Variants in RNF111 observed in about 807,000 individuals in gnomAD.
RNF111 encodes the protein ring finger protein 111.
RNF111 carries 17 observed loss-of-function variants against 95.1 expected under a neutral mutation model. The observed-to-expected ratio is 0.18, with a 90% CI of 0.12 to 0.27. The LOEUF is 0.27. Among genes scored for constraint, RNF111 ranks in the 10% least tolerant of loss-of-function variants. The pLI, the probability that RNF111 is intolerant of heterozygous loss-of-function variation, is 1.00. For synonymous variants in RNF111, 440 were observed against 414.8 expected (o/e 1.06, Z -0.74); for missense variants, 1,189 against 1,210.4 (o/e 0.98, Z 0.26).
intron 2 of RNF111, chr15:59,049,838 C>T (rs2041898782): frequency 6.8e-6 from 1 of 146,828 alleles, no homozygotes; most frequent in Non-Finnish European, 1.5e-5. Context: ...ACCTTTGCCT[C>T]CCAGGTTCAA....
intron 6 of RNF111, among the ~76,000 whole-genome samples, chr15:59,072,700 C>G (rs1255389615): frequency 1.3e-5 from 2 of 151,948 alleles, no homozygotes. Flanking sequence ...GATCTGCCTG[C>G]CTCAGCCTCC....
chr15:59,090,658 A>G (rs1384525585), intron 11 of RNF111, among the ~76,000 whole-genome samples: 1 of 152,242 alleles, frequency 6.6e-6, no homozygotes, highest in Non-Finnish European at 1.5e-5. Context: ...ACTGACTTAC[A>G]TAGTACCATG....
At position 59,076,120 on chromosome 15, in the gene RNF111, T is replaced by A; in HGVS notation, c.1853T>A (p.Ile618Lys). ...AAAPSQPLSS[I>K]DGYGSSMVAQ... Reference sequence around the variant, plus strand: ...GCCCCAAGTCAACCTTTATCATCAATAGATGGCTATGGATCAAGCATGGTT... The same window carrying A: ...GCCCCAAGTCAACCTTTATCATCAAAAGATGGCTATGGATCAAGCATGGTT... The change falls in exon 7 of 14, where the codon ATA becomes AAA. Residue 618 changes from isoleucine (I) to lysine (K), a missense_variant. Coordinates refer to ENST00000348370, the MANE Select transcript of RNF111 (RefSeq NM_017610.8). 2.5e-6 allele frequency: 4 copies of A among 1,614,162 alleles called. No homozygotes were observed. The highest frequency in any genetic ancestry group is 3.4e-6 in the Non-Finnish European group (4 of 1,180,052).
Position 58,994,024 on chromosome 15 carries a change from GTTAC to G in RNF111, c.-20+5960_-20+5963del, listed in dbSNP as rs1197843841. Among the ~76,000 whole-genome samples, 3 of 127,790 alleles carry G rather than the reference GTTAC, an allele frequency of 2.3e-5. No homozygotes were observed. In the East Asian group the frequency reaches 6.9e-4, roughly 29 times the overall value. 83.8% of individuals were successfully genotyped at this position (127,790 alleles called of 152,430 possible). A position where few individuals can be genotyped will look rare whatever the true frequency, so the allele number is the denominator to read the frequency against. On this transcript the variant is annotated intron_variant, in intron 1 of 13. Transcript: ENST00000348370. Reference sequence around the variant, plus strand: ...CTATCTTTTGACATCCCAATTTGTTGTTACTTAAATTTTTTTTTTTTTTTTTTTT... The same window carrying G: ...CTATCTTTTGACATCCCAATTTGTTGTTAAATTTTTTTTTTTTTTTTTTTT...
intron 1 of RNF111, among the ~76,000 whole-genome samples, chr15:59,003,180 A>G (rs781641499): frequency 2.0e-4 from 30 of 152,252 alleles, no homozygotes; most frequent in African/African-American, 4.3e-4. Context: ...CAGTGGCTCA[A>G]TGTCAGCTCA....
At chr15:59,075,038 G>T (rs1411113900) in intron 6 of RNF111, among the ~76,000 whole-genome samples, 1 of 152,150 alleles carries the variant, frequency 6.6e-6, no homozygotes, top group Non-Finnish European at 1.5e-5. Flanking sequence ...TCTTATATGG[G>T]CACAGTTCTT....
intron 7 of RNF111, among the ~76,000 whole-genome samples, chr15:59,080,310 G>A (rs1404289013): frequency 4.6e-5 from 7 of 151,842 alleles, no homozygotes; most frequent in African/African-American, 9.7e-5. Flanking sequence ...TAGTGGAGAC[G>A]GGGCTTCGCC....
At chr15:59,068,865 A>G (rs756099196) in intron 6 of RNF111, among the ~76,000 whole-genome samples, 4 of 152,100 alleles carry the variant, frequency 2.6e-5, no homozygotes, top group Admixed American at 6.6e-5. Flanking sequence ...TCACGAGATC[A>G]GGAGTTCGAG....
chr15:59,014,521 A>G (rs113289083), intron 1 of RNF111, among the ~76,000 whole-genome samples: 7 of 152,334 alleles, frequency 4.6e-5, no homozygotes, highest in African/African-American at 1.4e-4. Flanking sequence ...CTGTGGAATT[A>G]TAGAAAGCAG....
intron 1 of RNF111, among the ~76,000 whole-genome samples, chr15:59,006,726 T>C (rs796327954): frequency 2.0e-4 from 31 of 152,348 alleles, no homozygotes; most frequent in African/African-American, 5.8e-4. Flanking sequence ...CGCCAGTGCA[T>C]TTTACCCGTA....
intron 1 of RNF111, among the ~76,000 whole-genome samples, chr15:59,027,700 T>C (rs1336332620): frequency 6.6e-6 from 1 of 150,750 alleles, no homozygotes; most frequent in Non-Finnish European, 1.5e-5. Context: ...GGCTAATTTT[T>C]GTATTTTTAG....
chr15:59,082,810 G>A (rs183556645), intron 8 of RNF111, among the ~76,000 whole-genome samples: 21 of 152,108 alleles, frequency 1.4e-4, no homozygotes, highest in African/African-American at 5.1e-4. Flanking sequence ...TTTTACTTCT[G>A]TCATTTAAGA....
At chr15:59,089,640 T>C in intron 10 of RNF111, 27 bp from the exon 11 acceptor site, 3 of 1,528,834 alleles carry the variant, frequency 2.0e-6, no homozygotes, top group Non-Finnish European at 2.7e-6. Flanking sequence ...TTAAAATTGA[T>C]TTAGCCTATC....
At chr15:59,003,992 C>G (rs754446370) in intron 1 of RNF111, 1 of 169,650 alleles carries the variant, frequency 5.9e-6, no homozygotes, top group Non-Finnish European at 1.3e-5. Context: ...TGGTTTTGTT[C>G]TCATTCCAGA....
intron 1 of RNF111, among the ~76,000 whole-genome samples, chr15:58,988,640 T>G (rs1198011294): frequency 7.2e-5 from 11 of 152,358 alleles, no homozygotes; most frequent in Admixed American, 3.3e-4. Context: ...ATCTGTTCAG[T>G]GCAGCAGAAA....
chr15:59,058,469 G>C lies in RNF111; in HGVS notation c.1285G>C (p.Val429Leu). Reference protein sequence around the residue: ...SEQASDTASAVTSSQPSTVSE... With the variant: ...SEQASDTASALTSSQPSTVSE... ...GCAGGCCTCTGATACTGCTTCAGCT[G>C]TCACCAGTAGCCAACCTTCCACAGT... The change falls in exon 5 of 14, where the codon GTC becomes CTC. Residue 429 changes from valine to leucine, a missense_variant. Around this residue, in one of 2 missense-constraint regions of RNF111, gnomAD observed 1,024 missense variants for 925.9 expected, o/e 1.11. Coordinates refer to ENST00000348370, the MANE Select transcript of RNF111 (RefSeq NM_017610.8). 6.2e-7 allele frequency: 1 copy of C among 1,614,058 alleles called. No individual in the cohort carries two copies. Among genetic ancestry groups the C allele is most frequent in the Non-Finnish European group, 8.5e-7 (1 of 1,179,984 alleles).
chr15:59,061,273 C>A (rs1481718942), intron 5 of RNF111, among the ~76,000 whole-genome samples: 1 of 152,136 alleles, frequency 6.6e-6, no homozygotes, highest in Non-Finnish European at 1.5e-5. Context: ...CTTCCAGGAC[C>A]CTATGGAACA....
intron 2 of RNF111, among the ~76,000 whole-genome samples, chr15:59,046,350 C>T (rs2041708934): frequency 6.6e-6 from 1 of 152,040 alleles, no homozygotes; most frequent in Non-Finnish European, 1.5e-5. Context: ...CATGCCACCA[C>T]ACCTGGCTAA....
At chr15:59,057,453 A>T (rs1330683652) in intron 4 of RNF111, among the ~76,000 whole-genome samples, 1 of 152,126 alleles carries the variant, frequency 6.6e-6, no homozygotes, top group East Asian at 1.9e-4. Context: ...TAGAAAGTCA[A>T]CCCTCTCATT....
Sources: allele counts gnomAD v4.1 joint callset (sites outside exome capture counted in the v4.1 genomes callset), GRCh38; gene constraint gnomAD v4.1.1; regional missense constraint gnomAD v4.1.1; transcripts MANE v1.5; gene names NCBI Gene and HGNC (gene_info 2026-07-23, HGNC 2026-07-21).